The following FGGY variants were observed in gnomAD, a reference collection of about 807,000 sequenced individuals.
FGGY encodes FGGY carbohydrate kinase domain-containing protein.
A neutral mutation model predicts 71.3 loss-of-function variants in FGGY; 72 were observed. The ratio of observed to expected loss-of-function variants is 1.01; its 90% CI spans 0.84 to 1.23. The LOEUF (loss-of-function observed/expected upper bound fraction) is 1.23. Among genes scored for constraint, FGGY ranks in the 50% most tolerant of loss-of-function variants. The pLI is 0.00. For synonymous variants in FGGY, 251 were observed against 250.3 expected, an observed-to-expected ratio of 1.00 and a Z score of -0.02; for missense variants, 668 against 682.3, an observed-to-expected ratio of 0.98 and a Z score of 0.23.
At chr1:59,472,335 G>A (rs188062919) in intron 6 of FGGY, among the ~76,000 whole-genome samples, 362 of 152,336 alleles carry the variant, frequency 2.4e-3, no homozygotes, top group South Asian at 3.7e-3. Flanking sequence ...GGCAGGGCTC[G>A]GAACCTGCAG....
intron 5 of FGGY, among the ~76,000 whole-genome samples, chr1:59,441,236 G>A (rs984730626): frequency 6.6e-6 from 1 of 152,160 alleles, no homozygotes; most frequent in African/African-American, 2.4e-5. Flanking sequence ...GCAGAAATGT[G>A]TTTGGGAATC....
chr1:59,365,510 ATC>A (rs1023769209), intron 4 of FGGY, among the ~76,000 whole-genome samples: 14 of 152,306 alleles, frequency 9.2e-5, no homozygotes, highest in South Asian at 8.3e-4. Flanking sequence ...TCACTGTGGC[ATC>A]TCTCTCATCT....
intron 7 of FGGY, among the ~76,000 whole-genome samples, chr1:59,527,740 C>T (rs2095030817): frequency 6.6e-6 from 1 of 152,118 alleles, no homozygotes; most frequent in Non-Finnish European, 1.5e-5. Context: ...TTACTGTTTA[C>T]TGGAGACAGA....
At chr1:59,435,803 C>T (rs1572120901) in intron 5 of FGGY, among the ~76,000 whole-genome samples, 1 of 150,652 alleles carries the variant, frequency 6.6e-6, no homozygotes, top group East Asian at 2.0e-4. Flanking sequence ...CTGATGCCTC[C>T]ACTTGACTGT....
At chr1:59,647,931 A>G (rs71637746) in intron 11 of FGGY, among the ~76,000 whole-genome samples, 3,110 of 90,286 alleles carry the variant, frequency 0.034, 61 homozygotes, top group South Asian at 0.081. Context: ...CCAGAGTGTG[A>G]TATTCCCCTT....
intron 8 of FGGY, 112 bp from the exon 9 acceptor site, chr1:59,607,691 A>C: frequency 1.3e-6 from 1 of 741,642 alleles, no homozygotes; most frequent in Non-Finnish European, 2.2e-6. Context: ...CCCCACCATA[A>C]AAGGCATTCA....
intron 5 of FGGY, among the ~76,000 whole-genome samples, chr1:59,439,941 C>G (rs1343794209): frequency 1.3e-5 from 2 of 152,102 alleles, no homozygotes; most frequent in Non-Finnish European, 2.9e-5. Flanking sequence ...ACTAGTCGAT[C>G]CAGCCAGGCT....
chr1:59,492,167 C>A (rs2093886820), intron 6 of FGGY, among the ~76,000 whole-genome samples: 1 of 152,112 alleles, frequency 6.6e-6, no homozygotes, highest in Non-Finnish European at 1.5e-5. Context: ...TATAATGCGT[C>A]CATCAAGAGA....
chr1:59,735,709 C>T (rs1321625625), intron 14 of FGGY, among the ~76,000 whole-genome samples: 1 of 152,194 alleles, frequency 6.6e-6, no homozygotes, highest in East Asian at 1.9e-4. Context: ...AGGCAGGTTT[C>T]AAAACGAGGT....
chr1:59,363,531 C>G (rs776884088), intron 4 of FGGY, among the ~76,000 whole-genome samples: 2 of 152,138 alleles, frequency 1.3e-5, no homozygotes, highest in Non-Finnish European at 2.9e-5. Flanking sequence ...GTAGATTGCT[C>G]AAGGCCACAT....
At chr1:59,311,936 C>T (rs1228811227) in intron 1 of FGGY, among the ~76,000 whole-genome samples, 6 of 152,158 alleles carry the variant, frequency 3.9e-5, no homozygotes, top group East Asian at 1.9e-4. Flanking sequence ...TTTTAATAAT[C>T]GCCATTCTGA....
At chr1:59,618,824 C>T (rs970462084) in intron 9 of FGGY, among the ~76,000 whole-genome samples, 1 of 151,954 alleles carries the variant, frequency 6.6e-6, no homozygotes, top group Non-Finnish European at 1.5e-5. Flanking sequence ...GCATGGGAGA[C>T]AATAGCCAAA....
At chr1:59,477,471 A>G (rs1346424782) in intron 6 of FGGY, among the ~76,000 whole-genome samples, 4 of 152,084 alleles carry the variant, frequency 2.6e-5, no homozygotes, top group African/African-American at 9.7e-5. Context: ...AACCCTATTG[A>G]TCCCAGAAGT....
intron 14 of FGGY, among the ~76,000 whole-genome samples, chr1:59,739,069 A>G (rs1051947676): frequency 2.0e-5 from 3 of 152,322 alleles, no homozygotes; most frequent in African/African-American, 7.2e-5. Flanking sequence ...GCATTCCTGA[A>G]AACTTAACTT....
At chr1:59,642,337 C>A (rs2097039226) in intron 11 of FGGY, among the ~76,000 whole-genome samples, 1 of 152,180 alleles carries the variant, frequency 6.6e-6, no homozygotes, top group Admixed American at 6.5e-5. Flanking sequence ...GGGATAAGAG[C>A]AAATCACGGC....
chr1:59,502,630 G>C (rs1470838134), intron 6 of FGGY, among the ~76,000 whole-genome samples: 1 of 152,190 alleles, frequency 6.6e-6, no homozygotes, highest in African/African-American at 2.4e-5. Flanking sequence ...TCCTACTCCA[G>C]GTGGGGGAAG....
At chr1:59,565,135 T>C (rs2095854263) in intron 8 of FGGY, among the ~76,000 whole-genome samples, 1 of 152,118 alleles carries the variant, frequency 6.6e-6, no homozygotes. Flanking sequence ...ACAGCTAATA[T>C]TTATTATATG....
At chr1:59,356,105 C>T (rs941530571) in intron 4 of FGGY, among the ~76,000 whole-genome samples, 44 of 151,948 alleles carry the variant, frequency 2.9e-4, no homozygotes, top group Non-Finnish European at 5.9e-4. Flanking sequence ...TAGAAGGGGT[C>T]GGCATTCTTC....
intron 5 of FGGY, among the ~76,000 whole-genome samples, chr1:59,388,631 A>G (rs1041168461): frequency 6.6e-6 from 1 of 152,162 alleles, no homozygotes; most frequent in African/African-American, 2.4e-5. Flanking sequence ...ATCTGAGATA[A>G]GAGTTGATTT....
Sources: gnomAD v4.1 joint callset for allele counts (sites outside exome capture counted in the v4.1 genomes callset) on GRCh38, gnomAD v4.1.1 for gene constraint, MANE v1.5 for transcripts, NCBI Gene and HGNC (gene_info 2026-07-23, HGNC 2026-07-21) for gene names.